Variants in LYPD5 observed in about 807,000 individuals in gnomAD.
LYPD5 encodes LY6/PLAUR domain containing 5.
LYPD5 carries 21 observed loss-of-function variants against 19.1 expected under a neutral mutation model. The observed-to-expected ratio is 1.10, with a 90% CI of 0.78 to 1.58. LYPD5 has a LOEUF of 1.58. Among genes scored for constraint, LYPD5 ranks in the 40% most tolerant of loss-of-function variants. The pLI is 0.00. For missense variants in LYPD5, 287 were observed against 329.8 expected (o/e 0.87, Z 1.00); for synonymous variants, 128 against 142.7 (o/e 0.90, Z 0.74).
At chr19:43,815,764 G>A in intron 1 of LYPD5, 1 of 416,512 alleles carries the variant, frequency 2.4e-6, no homozygotes, top group Non-Finnish European at 4.7e-6. Flanking sequence ...TTGAGACGGA[G>A]TTTCACTTTG....
At chr19:43,817,697 C>T (rs2356401) in intron 1 of LYPD5, among the ~76,000 whole-genome samples, 55,608 of 151,372 alleles carry the variant, frequency 0.37, 10,540 homozygotes, top group South Asian at 0.56. Context: ...CCACTTGGCT[C>T]TTTATACCAT....
chr19:43,797,705 G>T lies in LYPD5; in HGVS notation c.642C>A (p.Asn214Lys). The T allele has an allele frequency of 6.2e-7, 1 of 1,613,866 alleles. No homozygotes were observed. The highest frequency in any genetic ancestry group is 1.1e-5 in the South Asian group (1 of 91,062). Reference protein sequence around the residue: ...QGSCCEGYLCNRKSMTQPFTS... With the variant: ...QGSCCEGYLCKRKSMTQPFTS... The stretch of plus-strand genomic sequence containing the variant: ...TGAAGGGCTGGGTCATGGATTTCCT[G>T]TTGCAGAGGTACCCCTCACAGCAGG... The change falls in exon 5 of 5, where the codon AAC becomes AAA. Residue 214 changes from asparagine (N) to lysine (K), a missense_variant. Transcript: ENST00000377950.
At position 43,798,803 on chromosome 19, in the gene LYPD5, C is replaced by A; in HGVS notation, c.370+9G>T. On this transcript the variant is annotated intron_variant, in intron 3 of 4. Coordinates refer to ENST00000377950, the MANE Select transcript of LYPD5 (RefSeq NM_001031749.3). ...CCCTCCCGGAGCCCAGCCCCGCTCT[C>A]CCGCGCACCTTGGCTCAGGTTGGGG... The A allele has an allele frequency of 6.2e-7, 1 of 1,604,560 alleles. No homozygotes were observed.
chr19:43,812,382 T>A (rs778389542), intron 1 of LYPD5, among the ~76,000 whole-genome samples: 3 of 101,306 alleles, frequency 3.0e-5, no homozygotes, highest in South Asian at 6.0e-4. Flanking sequence ...TCTATCAATC[T>A]ATCATCTATC....
intron 1 of LYPD5, among the ~76,000 whole-genome samples, chr19:43,813,847 C>T (rs983536533): frequency 7.9e-5 from 12 of 152,030 alleles, no homozygotes; most frequent in Non-Finnish European, 1.5e-4. Flanking sequence ...ACCACCAAGC[C>T]CGGCTAATTT....
chr19:43,809,899 C>T (rs1031730662), intron 1 of LYPD5, among the ~76,000 whole-genome samples: 9 of 152,196 alleles, frequency 5.9e-5, no homozygotes, highest in East Asian at 1.9e-4. Context: ...AAAATCAACA[C>T]GTCTTTCCAT....
chr19:43,798,643 T>C (rs762085635), intron 3 of LYPD5, 42 bp from the exon 4 acceptor site: 10 of 1,609,022 alleles, frequency 6.2e-6, no homozygotes, highest in East Asian at 2.2e-5. Context: ...AGTGGTACCC[T>C]GGCACAGTCG....
chr19:43,801,369 C>T (rs2146496328), intron 1 of LYPD5, among the ~76,000 whole-genome samples: 1 of 152,220 alleles, frequency 6.6e-6, no homozygotes, highest in Non-Finnish European at 1.5e-5. Context: ...GGCGCAGTGG[C>T]ACATGCCTAT....
intron 1 of LYPD5, among the ~76,000 whole-genome samples, chr19:43,815,285 G>T (rs1970361536): frequency 6.6e-6 from 1 of 151,966 alleles, no homozygotes; most frequent in Non-Finnish European, 1.5e-5. Flanking sequence ...TGGGGGGATT[G>T]TTTGAGGCCA....
chr19:43,803,059 G>C (rs1400767268), upstream of LYPD5, among the ~76,000 whole-genome samples: 1 of 152,180 alleles, frequency 6.6e-6, no homozygotes, highest in East Asian at 1.9e-4. Flanking sequence ...GAAACAGAGA[G>C]AGAGGAAGAG....
In LYPD5 at chr19:43,797,434, C is replaced by T. The variant is rs946604780; in HGVS notation, c.*157G>A. 7 of 668,392 alleles carry T rather than the reference C, an allele frequency of 1.0e-5. No individual in the cohort carries two copies. Among genetic ancestry groups the T allele is most frequent in the Admixed American group, 2.8e-5 (1 of 35,140 alleles). The allele number at this position is 668,392 out of a possible 1,614,324, so 41.4% of individuals were successfully genotyped here. A position where few individuals can be genotyped will look rare whatever the true frequency, so the allele number is the denominator to read the frequency against. On this transcript the variant is annotated 3_prime_UTR_variant, in exon 5 of 5. Transcript: ENST00000377950. ...GTCCAGTTTCTTCCAGTACTGTTGGCCAGGTTGTGGGGCACAAGGGCGGGA... is the reference window on the plus strand; with the variant it reads ...GTCCAGTTTCTTCCAGTACTGTTGGTCAGGTTGTGGGGCACAAGGGCGGGA...
chr19:43,819,040 G>A (rs1449066841), intron 1 of LYPD5, among the ~76,000 whole-genome samples: 1 of 151,738 alleles, frequency 6.6e-6, no homozygotes, highest in Admixed American at 6.6e-5. Context: ...TATTATTTGT[G>A]CCTGTTCTCT....
At chr19:43,807,626 T>G (rs1426287746) in intron 1 of LYPD5, among the ~76,000 whole-genome samples, 1 of 152,176 alleles carries the variant, frequency 6.6e-6, no homozygotes, top group Non-Finnish European at 1.5e-5. Context: ...TGCTCACCTG[T>G]GTTGTTGCAG....
chr19:43,814,262 C>A (rs1393027997), intron 1 of LYPD5, among the ~76,000 whole-genome samples: 1 of 152,098 alleles, frequency 6.6e-6, no homozygotes. Flanking sequence ...GAGTCTCAGG[C>A]GGGACGATGG....
Position 43,797,514 on chromosome 19 carries a change from A to C in LYPD5, c.*77T>G, listed in dbSNP as rs1599691758. On this transcript the variant is annotated 3_prime_UTR_variant, in exon 5 of 5. Transcript: ENST00000377950. The stretch of plus-strand genomic sequence containing the variant: ...AATTCTTACTTTAACATCATTTTCC[A>C]GTGAGCTATGTGATAGGGGCTGAAG... The C allele has an allele frequency of 8.7e-7, 1 of 1,143,606 alleles. No individual in the cohort carries two copies. Among genetic ancestry groups the C allele is most frequent in the Non-Finnish European group, 1.3e-6 (1 of 794,198 alleles). 70.8% of individuals were successfully genotyped at this position (1,143,606 alleles called of 1,614,324 possible). A position where few individuals can be genotyped will look rare whatever the true frequency, so the allele number is the denominator to read the frequency against.
chr19:43,815,730 T>A (rs1568407307), intron 1 of LYPD5: 2 of 414,836 alleles, frequency 4.8e-6, no homozygotes, highest in Non-Finnish European at 9.5e-6. Context: ...CCATCTATTA[T>A]TTTTATTTTA....
rs1448244064 is a variant in LYPD5, at chr19:43,798,738, G to A, written c.370+74C>T. On this transcript the variant is annotated intron_variant, in intron 3 of 4. Coordinates refer to ENST00000377950, the MANE Select transcript of LYPD5 (RefSeq NM_001031749.3). The stretch of plus-strand genomic sequence containing the variant: ...GCGCGCCAAGAGCAGGCGCCCAGCG[G>A]AGGCCACGCCTTCCCCGAGGCTGCC... The A allele has an allele frequency of 5.7e-6, 9 of 1,568,272 alleles. No homozygotes were observed. The Admixed American group carries it at 7.6e-5, about 13-fold the overall frequency.
chr19:43,806,765 GTAA>G, upstream of LYPD5, among the ~76,000 whole-genome samples: 1 of 152,126 alleles, frequency 6.6e-6, no homozygotes, highest in African/African-American at 2.4e-5. Context: ...ATATTACAAT[GTAA>G]TAATAATAGA....
chr19:43,802,307 G>C lies in LYPD5; in HGVS notation c.64+10C>G. The C allele has an allele frequency of 6.4e-7, 1 of 1,551,262 alleles. No homozygotes were observed. On this transcript the variant is annotated intron_variant, in intron 1 of 4. Coordinates refer to ENST00000377950, the MANE Select transcript of LYPD5 (RefSeq NM_001031749.3). Reference sequence around the variant, plus strand: ...CCCCTTCTCACTACTGGATTCAGAAGTTTGCGTACCTGTCAGGCAGAGCGC... The same window carrying C: ...CCCCTTCTCACTACTGGATTCAGAACTTTGCGTACCTGTCAGGCAGAGCGC...
Sources: allele counts gnomAD v4.1 joint callset (sites outside exome capture counted in the v4.1 genomes callset), GRCh38; gene constraint gnomAD v4.1.1; transcripts MANE v1.5; gene names NCBI Gene and HGNC (gene_info 2026-07-23, HGNC 2026-07-21).